THSD7B: variants seen among roughly 807,000 people sequenced by gnomAD.
THSD7B encodes thrombospondin type-1 domain-containing protein 7B.
In THSD7B, 138 loss-of-function variants were observed where a neutral mutation model predicts 213.6. The ratio of observed to expected loss-of-function variants is 0.65; its 90% CI spans 0.56 to 0.74. The LOEUF is 0.74. THSD7B is among the 30% of genes least tolerant of loss of function. The pLI is 0.00. For synonymous variants in THSD7B, 742 were observed against 687.0 expected, an observed-to-expected ratio of 1.08 and a Z score of -1.25; for missense variants, 1,931 against 1,991.5, an observed-to-expected ratio of 0.97 and a Z score of 0.58.
intron 12 of THSD7B, among the ~76,000 whole-genome samples, chr2:137,362,166 TAC>T (rs1163492430): frequency 6.6e-6 from 1 of 152,112 alleles, no homozygotes; most frequent in African/African-American, 2.4e-5. Context: ...TAAAATCCTT[TAC>T]AGACAAGCAA....
At chr2:137,074,460 A>C (rs913930017) in intron 3 of THSD7B, among the ~76,000 whole-genome samples, 2 of 151,690 alleles carry the variant, frequency 1.3e-5, no homozygotes, top group African/African-American at 4.9e-5. Flanking sequence ...CCATCCCTTT[A>C]TTTTGAGCCC....
chr2:136,847,856 T>A (rs1683036020), intron 1 of THSD7B, among the ~76,000 whole-genome samples: 1 of 152,184 alleles, frequency 6.6e-6, no homozygotes, highest in Non-Finnish European at 1.5e-5. Flanking sequence ...AATGAATATA[T>A]CAGAAGCACA....
intron 1 of THSD7B, among the ~76,000 whole-genome samples, chr2:136,796,493 G>A (rs1682066781): frequency 6.6e-6 from 1 of 151,936 alleles, no homozygotes; most frequent in Non-Finnish European, 1.5e-5. Flanking sequence ...AACTAGACTA[G>A]CTCTACCAAG....
chr2:137,488,398 A>G (rs1419541838), intron 15 of THSD7B, among the ~76,000 whole-genome samples: 1 of 152,162 alleles, frequency 6.6e-6, no homozygotes, highest in Non-Finnish European at 1.5e-5. Flanking sequence ...TTATATTTTG[A>G]AGAATATATG....
intron 7 of THSD7B, among the ~76,000 whole-genome samples, chr2:137,181,916 T>C (rs1315995030): frequency 1.3e-5 from 2 of 152,152 alleles, no homozygotes; most frequent in Admixed American, 1.3e-4. Flanking sequence ...ATGATTTTAA[T>C]TAATCAATTT....
chr2:137,281,336 GT>G (rs1484891551), intron 12 of THSD7B, among the ~76,000 whole-genome samples: 1 of 151,964 alleles, frequency 6.6e-6, no homozygotes, highest in Non-Finnish European at 1.5e-5. Flanking sequence ...AAAATTAGTT[GT>G]GGATTACCTT....
chr2:136,923,750 C>T (rs1684476029), intron 2 of THSD7B, among the ~76,000 whole-genome samples: 1 of 152,070 alleles, frequency 6.6e-6, no homozygotes, highest in South Asian at 2.1e-4. Flanking sequence ...ATTCATATGT[C>T]TCTTTTGGAG....
chr2:137,049,586 C>T (rs1286904822), intron 2 of THSD7B, among the ~76,000 whole-genome samples: 3 of 151,576 alleles, frequency 2.0e-5, no homozygotes, highest in African/African-American at 7.3e-5. Flanking sequence ...ATTCTAGGGA[C>T]ACATAATTTC....
intron 2 of THSD7B, among the ~76,000 whole-genome samples, chr2:136,921,007 G>C (rs975559466): frequency 3.3e-5 from 5 of 152,220 alleles, no homozygotes; most frequent in African/African-American, 1.2e-4. Context: ...TGAGAGCCCA[G>C]GGATGCCAGG....
chr2:136,931,731 ATACATTC>A (rs1351509632), intron 2 of THSD7B, among the ~76,000 whole-genome samples: 11 of 152,192 alleles, frequency 7.2e-5, no homozygotes, highest in African/African-American at 2.7e-4. Flanking sequence ...ACAGTCCATG[ATACATTC>A]TACATTAACA....
intron 2 of THSD7B, among the ~76,000 whole-genome samples, chr2:137,029,708 G>T (rs1016130333): frequency 6.6e-6 from 1 of 152,096 alleles, no homozygotes; most frequent in African/African-American, 2.4e-5. Context: ...AGTTCATTGC[G>T]GGATTTCTCA....
chr2:137,166,743 C>A (rs1680138210), intron 6 of THSD7B, among the ~76,000 whole-genome samples: 1 of 152,212 alleles, frequency 6.6e-6, no homozygotes, highest in Admixed American at 6.5e-5. Context: ...TTTCCATTTT[C>A]CATCCTTGTC....
At chr2:136,857,731 T>C (rs1683197895) in intron 1 of THSD7B, among the ~76,000 whole-genome samples, 1 of 152,236 alleles carries the variant, frequency 6.6e-6, no homozygotes, top group African/African-American at 2.4e-5. Flanking sequence ...AGATCTGGGT[T>C]GCTAAATTCA....
intron 20 of THSD7B, among the ~76,000 whole-genome samples, chr2:137,640,331 T>C (rs993065610): frequency 3.9e-5 from 6 of 152,192 alleles, no homozygotes; most frequent in Non-Finnish European, 8.8e-5. Flanking sequence ...TTCTGAGGCC[T>C]CCCCAGCCAT....
intron 2 of THSD7B, among the ~76,000 whole-genome samples, chr2:137,037,697 G>T (rs1372321869): frequency 6.6e-6 from 1 of 152,084 alleles, no homozygotes; most frequent in Non-Finnish European, 1.5e-5. Context: ...TTTGGCTAAA[G>T]TACTTTCTGC....
At chr2:136,866,863 T>C (rs910859074) in intron 1 of THSD7B, among the ~76,000 whole-genome samples, 3 of 152,188 alleles carry the variant, frequency 2.0e-5, no homozygotes, top group African/African-American at 7.2e-5. Flanking sequence ...AGAAATGGAA[T>C]TTTGCAGCGT....
chr2:137,284,416 C>T (rs565554988), intron 12 of THSD7B, among the ~76,000 whole-genome samples: 4 of 152,138 alleles, frequency 2.6e-5, no homozygotes, highest in East Asian at 1.9e-4. Flanking sequence ...CTGCTCTGAT[C>T]TTAGTTATTT....
At chr2:137,642,694 T>C in intron 21 of THSD7B, 61 bp downstream of exon 21, 1 of 1,575,404 alleles carries the variant, frequency 6.3e-7, no homozygotes, top group South Asian at 1.2e-5. Context: ...ACTTGTCTGG[T>C]CAAACCTATG....
intron 12 of THSD7B, among the ~76,000 whole-genome samples, chr2:137,314,152 T>C (rs374261762): frequency 2.0e-5 from 3 of 152,224 alleles, no homozygotes; most frequent in East Asian, 1.9e-4. Context: ...ACCAATCAGA[T>C]GTAGATTTGG....
Sources: gnomAD v4.1 joint callset for allele counts (sites outside exome capture counted in the v4.1 genomes callset) on GRCh38, gnomAD v4.1.1 for gene constraint, MANE v1.5 for transcripts, NCBI Gene and HGNC (gene_info 2026-07-23, HGNC 2026-07-21) for gene names.